The following RHPN2 variants were observed in gnomAD, a reference collection of about 807,000 sequenced individuals.
The protein encoded by RHPN2 is rhophilin-2.
A neutral mutation model predicts 79.0 loss-of-function variants in RHPN2; 40 were observed. That is an observed-to-expected ratio of 0.51 (90% CI 0.39 to 0.66). RHPN2 has a LOEUF of 0.66. RHPN2 is among the 30% of genes least tolerant of loss of function. RHPN2 has a pLI of 0.00. For missense variants in RHPN2, 686 were observed against 883.5 expected, an observed-to-expected ratio of 0.78 and a Z score of 2.83; for synonymous variants, 285 against 363.5, an observed-to-expected ratio of 0.78 and a Z score of 2.46.
At chr19:33,017,718 AAAAAAAAG>A (rs1692634876) in intron 4 of RHPN2, among the ~76,000 whole-genome samples, 5 of 139,606 alleles carry the variant, frequency 3.6e-5, no homozygotes, top group South Asian at 4.8e-4. Flanking sequence ...AAAAAAAAAA[AAAAAAAAG>A]AGAGAGAGAG....
rs1262957483 is a variant in RHPN2 at position 33,044,714 on chromosome 19, G to A, written c.70-350C>T. Among the ~76,000 whole-genome samples the A allele has an allele frequency of 3.3e-5, 5 of 152,234 alleles. No individual in the cohort carries two copies. The East Asian group carries it at 5.8e-4, about 18-fold the overall frequency. On this transcript the variant is annotated intron_variant, in intron 1 of 14. Transcript: ENST00000254260. The stretch of plus-strand genomic sequence containing the variant: ...TCAAGACCAGCCTGGCCAACATGGT[G>A]AAACCCTGTTTCTACTAAAAATACA...
At chr19:33,043,875 A>G (rs1489659799) in intron 2 of RHPN2, among the ~76,000 whole-genome samples, 1 of 152,056 alleles carries the variant, frequency 6.6e-6, no homozygotes, top group Non-Finnish European at 1.5e-5. Flanking sequence ...TCCTTTATAT[A>G]TTCAATAAAC....
intron 1 of RHPN2, among the ~76,000 whole-genome samples, chr19:33,056,831 C>A (rs932568324): frequency 6.6e-6 from 1 of 151,528 alleles, no homozygotes; most frequent in Non-Finnish European, 1.5e-5. Context: ...GAGACCAGGC[C>A]GGGCGCAGTG....
chr19:32,982,215 G>A (rs1028986740), intron 14 of RHPN2, among the ~76,000 whole-genome samples: 4 of 151,798 alleles, frequency 2.6e-5, no homozygotes, highest in South Asian at 4.2e-4. Context: ...CAAGACCATC[G>A]TGGCCAACAT....
chr19:32,986,547 G>C (rs1472613100), intron 14 of RHPN2, among the ~76,000 whole-genome samples: 5 of 152,068 alleles, frequency 3.3e-5, no homozygotes, highest in African/African-American at 4.8e-5. Flanking sequence ...TGTAATCCCA[G>C]TACTTTGGGA....
intron 1 of RHPN2, among the ~76,000 whole-genome samples, chr19:33,061,471 C>T (rs1046416818): frequency 6.7e-6 from 1 of 150,322 alleles, no homozygotes; most frequent in African/African-American, 2.5e-5. Flanking sequence ...TCCCAAAGTG[C>T]TGGGATTTTT....
chr19:33,060,357 A>G (rs571997280), intron 1 of RHPN2, among the ~76,000 whole-genome samples: 4 of 151,998 alleles, frequency 2.6e-5, no homozygotes, highest in South Asian at 2.1e-4. Flanking sequence ...TTCCCTGCCA[A>G]TCACATCAGT....
intron 1 of RHPN2, among the ~76,000 whole-genome samples, chr19:33,050,541 T>A (rs1221037537): frequency 6.6e-6 from 1 of 152,192 alleles, no homozygotes; most frequent in African/African-American, 2.4e-5. Flanking sequence ...TACTCTGATT[T>A]CTATCACCAC....
At chr19:33,056,936 C>T (rs954263634) in intron 1 of RHPN2, among the ~76,000 whole-genome samples, 3 of 146,220 alleles carry the variant, frequency 2.1e-5, no homozygotes, top group Non-Finnish European at 4.5e-5. Flanking sequence ...GGTGAAACCC[C>T]ATCTCTAATA....
chr19:33,005,700 T>TGGAGGG (rs1971785447), intron 7 of RHPN2, among the ~76,000 whole-genome samples: 1 of 151,322 alleles, frequency 6.6e-6, no homozygotes, highest in South Asian at 2.1e-4. Context: ...CACTCCCCAC[T>TGGAGGG]GTTCTCCTAC....
At chr19:32,983,971 C>T (rs1023025185) in intron 14 of RHPN2, among the ~76,000 whole-genome samples, 2 of 152,140 alleles carry the variant, frequency 1.3e-5, no homozygotes, top group Admixed American at 6.5e-5. Context: ...CACTCAAATC[C>T]ACCTGGGGTA....
intron 3 of RHPN2, among the ~76,000 whole-genome samples, chr19:33,022,746 C>G (rs1008595788): frequency 1.3e-5 from 2 of 152,188 alleles, no homozygotes; most frequent in Non-Finnish European, 2.9e-5. Flanking sequence ...TTGGGCTGCT[C>G]AGCCCAGCCC....
intron 9 of RHPN2, among the ~76,000 whole-genome samples, chr19:33,001,030 C>T (rs562656887): frequency 2.6e-5 from 4 of 152,136 alleles, no homozygotes; most frequent in Admixed American, 2.6e-4. Flanking sequence ...CGTACAGGCC[C>T]TTCGTTTTCG....
intron 2 of RHPN2, among the ~76,000 whole-genome samples, chr19:33,043,710 A>G (rs1182727201): frequency 6.6e-6 from 1 of 152,130 alleles, no homozygotes; most frequent in Non-Finnish European, 1.5e-5. Flanking sequence ...AGACACAGGT[A>G]AGGCTTCTCT....
intron 2 of RHPN2, 135 bp from the exon 3 acceptor site, chr19:33,026,767 G>A: frequency 9.9e-7 from 1 of 1,009,980 alleles, no homozygotes; most frequent in Non-Finnish European, 1.5e-6. Context: ...GTCGGTTAAG[G>A]TATCCCAGGG....
chr19:33,036,326 C>A (rs1007749552), intron 2 of RHPN2, among the ~76,000 whole-genome samples: 1 of 151,604 alleles, frequency 6.6e-6, no homozygotes, highest in Non-Finnish European at 1.5e-5. Context: ...TAGGGAGACC[C>A]CCATCTCTAC....
At chr19:33,032,003 C>T (rs1972016741) in intron 2 of RHPN2, among the ~76,000 whole-genome samples, 1 of 148,986 alleles carries the variant, frequency 6.7e-6, no homozygotes, top group Non-Finnish European at 1.5e-5. Context: ...CAGGCGTGAG[C>T]CACCGGGCCG....
At chr19:32,994,425 C>T (rs1379292970) in intron 11 of RHPN2, among the ~76,000 whole-genome samples, 3 of 151,740 alleles carry the variant, frequency 2.0e-5, no homozygotes, top group East Asian at 3.9e-4. Context: ...GGGAAGGAGA[C>T]AGTACAGAAC....
chr19:33,033,007 A>G (rs749604047), intron 2 of RHPN2, among the ~76,000 whole-genome samples: 7 of 152,230 alleles, frequency 4.6e-5, no homozygotes, highest in Non-Finnish European at 1.0e-4. Context: ...ATTTAATCTT[A>G]CATGTTGTAT....
Sources: allele counts gnomAD v4.1 joint callset (sites outside exome capture counted in the v4.1 genomes callset), GRCh38; gene constraint gnomAD v4.1.1; transcripts MANE v1.5; gene names NCBI Gene and HGNC (gene_info 2026-07-23, HGNC 2026-07-21).